Variants in PRKG1 observed in about 807,000 individuals in gnomAD.
PRKG1 encodes the protein cGMP-dependent protein kinase 1.
In PRKG1, 35 loss-of-function variants were observed where a neutral mutation model predicts 88.1. The ratio of observed to expected loss-of-function variants is 0.40; its 90% confidence interval spans 0.30 to 0.53. The LOEUF (loss-of-function observed/expected upper bound fraction) is 0.53, where lower values mean the gene tolerates loss of function less well. Among genes scored for constraint, PRKG1 ranks in the 20% least tolerant of loss-of-function variants. The pLI is 0.59. For missense variants in PRKG1, 540 were observed against 839.8 expected (o/e 0.64, Z 4.41); for synonymous variants, 303 against 292.5 (o/e 1.04, Z -0.37).
In PRKG1 at chr10:51,861,023, C is replaced by T. The variant is rs569260936; in HGVS notation, c.699-46484C>T. On this transcript the variant is annotated intron_variant, in intron 4 of 17. Transcript: ENST00000373980. ...ACATGTGTTGGGTACTCACTACATGCCTAGCAAATGAGCTAAGCCCTTTTA... is the reference window on the plus strand; with the variant it reads ...ACATGTGTTGGGTACTCACTACATGTCTAGCAAATGAGCTAAGCCCTTTTA... 3.3e-5 allele frequency among the ~76,000 whole-genome samples: 5 copies of T among 152,248 alleles called. No individual in the cohort carries two copies. In the East Asian group the frequency reaches 7.7e-4, roughly 23 times the overall value.
chr10:51,664,475 A>G (rs1840374983), intron 3 of PRKG1, among the ~76,000 whole-genome samples: 1 of 152,200 alleles, frequency 6.6e-6, no homozygotes, highest in South Asian at 2.1e-4. Context: ...GAAATACTCA[A>G]GAACATAAGT....
intron 2 of PRKG1, among the ~76,000 whole-genome samples, chr10:51,433,899 T>C (rs980850818): frequency 8.5e-5 from 13 of 152,156 alleles, no homozygotes; most frequent in Admixed American, 2.6e-4. Context: ...GGAAGTCTCA[T>C]CCATCATTTC....
chr10:52,044,009 G>T (rs1433104539), intron 5 of PRKG1, among the ~76,000 whole-genome samples: 1 of 151,780 alleles, frequency 6.6e-6, no homozygotes, highest in Non-Finnish European at 1.5e-5. Flanking sequence ...AGATAGTCCA[G>T]GCAGCCAGTG....
intron 3 of PRKG1, among the ~76,000 whole-genome samples, chr10:51,616,330 G>A (rs2132253675): frequency 6.6e-6 from 1 of 152,308 alleles, no homozygotes; most frequent in South Asian, 2.1e-4. Context: ...GCAGCAGTGG[G>A]ATGGGAAGCT....
chr10:51,624,722 A>G (rs1399411450), intron 3 of PRKG1, among the ~76,000 whole-genome samples: 1 of 152,254 alleles, frequency 6.6e-6, no homozygotes, highest in Admixed American at 6.5e-5. Flanking sequence ...AACAAAATAA[A>G]TGATTAAATA....
At chr10:51,052,937 A>T (rs1005308155) in intron 1 of PRKG1, among the ~76,000 whole-genome samples, 1 of 152,220 alleles carries the variant, frequency 6.6e-6, no homozygotes, top group Non-Finnish European at 1.5e-5. Flanking sequence ...ATGTAGATTT[A>T]AAAAAGTCAT....
At chr10:51,343,435 G>A (rs1340200037) in intron 2 of PRKG1, among the ~76,000 whole-genome samples, 1 of 152,024 alleles carries the variant, frequency 6.6e-6, no homozygotes, top group Non-Finnish European at 1.5e-5. Flanking sequence ...AGTTTTGACT[G>A]CCCAATGTAT....
At chr10:51,594,746 G>A (rs1366467990) in intron 3 of PRKG1, among the ~76,000 whole-genome samples, 1 of 152,152 alleles carries the variant, frequency 6.6e-6, no homozygotes, top group Non-Finnish European at 1.5e-5. Flanking sequence ...GGGATGTGGT[G>A]TGCTGTGCTA....
In PRKG1 at chr10:52,297,413, A is replaced by G. The variant is rs1038782942; in HGVS notation, c.*3513A>G. 1 of 152,182 alleles carries G rather than the reference A, an allele frequency of 6.6e-6. No homozygotes were observed. Among genetic ancestry groups the G allele is most frequent in the Non-Finnish European group, 1.5e-5 (1 of 68,026 alleles). The allele number at this position is 152,182 out of a possible 1,614,324, so 9.4% of individuals were successfully genotyped here. On this transcript the variant is annotated 3_prime_UTR_variant, in exon 18 of 18. Coordinates refer to ENST00000373980, the MANE Select transcript of PRKG1 (RefSeq NM_006258.4). ...CAAATTTGGTGTTATGCTGCATGAC[A>G]AAGACAAACACACCTCAAAATGTTG... is the stretch of plus-strand genomic sequence containing the variant.
chr10:51,964,263 C>A (rs973701411), intron 5 of PRKG1, among the ~76,000 whole-genome samples: 1 of 152,140 alleles, frequency 6.6e-6, no homozygotes, highest in Admixed American at 6.6e-5. Flanking sequence ...AATCCCTTTG[C>A]CAAGTAAAGT....
chr10:51,842,145 T>C (rs573063059), intron 4 of PRKG1, among the ~76,000 whole-genome samples: 12 of 152,332 alleles, frequency 7.9e-5, no homozygotes, highest in Non-Finnish European at 1.5e-4. Context: ...GATTCATACT[T>C]GTCCTATGGG....
intron 2 of PRKG1, among the ~76,000 whole-genome samples, chr10:51,384,185 G>A (rs1837189822): frequency 6.6e-6 from 1 of 152,134 alleles, no homozygotes; most frequent in Non-Finnish European, 1.5e-5. Flanking sequence ...AGCTAAGATT[G>A]CAGCCAGAGC....
chr10:52,060,573 A>G (rs1269770285), intron 6 of PRKG1, among the ~76,000 whole-genome samples: 2 of 151,842 alleles, frequency 1.3e-5, no homozygotes, highest in African/African-American at 4.8e-5. Flanking sequence ...AAGATGATAA[A>G]ATCTCCCACA....
intron 2 of PRKG1, among the ~76,000 whole-genome samples, chr10:51,303,512 C>T (rs1258444435): frequency 1.3e-5 from 2 of 151,810 alleles, no homozygotes; most frequent in African/African-American, 4.8e-5. Context: ...CTCTTTTACT[C>T]TTTCAACTCA....
At position 52,057,585 on chromosome 10, in the gene PRKG1, G is replaced by A. The variant is rs565290289; in HGVS notation, c.840+3024G>A. On this transcript the variant is annotated intron_variant, in intron 6 of 17. Transcript: ENST00000373980. The stretch of plus-strand genomic sequence containing the variant: ...ACAGGGAACAGGATGGGTAAGCAAA[G>A]TTGCAGAGTTCTAATAGTAGCTCAA... 7.2e-5 allele frequency among the ~76,000 whole-genome samples: 11 copies of A among 152,274 alleles called. No homozygotes were observed. The South Asian group carries it at 2.1e-3, about 29-fold the overall frequency.
At chr10:51,920,424 C>A (rs1335415585) in intron 5 of PRKG1, among the ~76,000 whole-genome samples, 1 of 152,230 alleles carries the variant, frequency 6.6e-6, no homozygotes, top group East Asian at 1.9e-4. Context: ...GCCATCTTGC[C>A]GATTTCCCAG....
At chr10:51,084,652 T>G (rs1219346316) in intron 1 of PRKG1, among the ~76,000 whole-genome samples, 1 of 152,180 alleles carries the variant, frequency 6.6e-6, no homozygotes, top group Non-Finnish European at 1.5e-5. Flanking sequence ...ATTATTTTTA[T>G]GTGATTATAA....
At chr10:51,952,183 G>A (rs1843200822) in intron 5 of PRKG1, among the ~76,000 whole-genome samples, 1 of 152,130 alleles carries the variant, frequency 6.6e-6, no homozygotes, top group Non-Finnish European at 1.5e-5. Context: ...ATATAATGTG[G>A]GTTTTTTAAA....
chr10:51,143,739 A>T (rs1044792766), intron 1 of PRKG1, among the ~76,000 whole-genome samples: 1 of 151,942 alleles, frequency 6.6e-6, no homozygotes, highest in East Asian at 1.9e-4. Context: ...AGCATTTTTT[A>T]TGTACTCATT....
Sources: gnomAD v4.1 joint callset for allele counts (sites outside exome capture counted in the v4.1 genomes callset) on GRCh38, gnomAD v4.1.1 for gene constraint, MANE v1.5 for transcripts, NCBI Gene and HGNC (gene_info 2026-07-23, HGNC 2026-07-21) for gene names.